TCF4: variants seen among roughly 807,000 people sequenced by gnomAD.
TCF4 encodes the protein SL3-3 enhancer factor 2.
Under a neutral mutation model 82.1 loss-of-function variants are expected in TCF4, and 3 were observed. The ratio of observed to expected loss-of-function variants is 0.04; its 90% CI spans 0.02 to 0.09. The LOEUF (loss-of-function observed/expected upper bound fraction) is 0.09, where lower values mean the gene tolerates loss of function less well. Among genes scored for constraint, TCF4 ranks in the 10% least tolerant of loss-of-function variants. The probability of loss-of-function intolerance (pLI) is 1.00; values close to 1 mark genes in which losing one functional copy is unlikely to be tolerated. For synonymous variants in TCF4, 276 were observed against 309.6 expected, an observed-to-expected ratio of 0.89 and a Z score of 1.14; for missense variants, 518 against 852.7, an observed-to-expected ratio of 0.61 and a Z score of 4.89.
At chr18:55,408,364 T>C (rs1015856146) in intron 5 of TCF4, among the ~76,000 whole-genome samples, 2 of 152,146 alleles carry the variant, frequency 1.3e-5, no homozygotes, top group Admixed American at 6.5e-5. Context: ...AGGGAACTCA[T>C]CATAAACATG....
intron 3 of TCF4, among the ~76,000 whole-genome samples, chr18:55,523,304 G>C (rs1011507469): frequency 6.6e-6 from 1 of 151,514 alleles, no homozygotes. Flanking sequence ...ACTGACCCAA[G>C]AAAACAAAGG....
At chr18:55,400,135 A>G (rs1289702691) in intron 6 of TCF4, among the ~76,000 whole-genome samples, 1 of 152,128 alleles carries the variant, frequency 6.6e-6, no homozygotes, top group East Asian at 1.9e-4. Context: ...AGCAGCAAAA[A>G]GAAACCAAAA....
At chr18:55,621,520 A>ATAATGTACATTATAT (rs369426865) in intron 2 of TCF4, among the ~76,000 whole-genome samples, 2 of 4,542 alleles carry the variant, frequency 4.4e-4, no homozygotes, top group Admixed American at 5.4e-3. Flanking sequence ...TATATTATAT[A>ATAATGTACATTATAT]ATATTATATA....
chr18:55,323,291 T>C (rs937657491), intron 8 of TCF4, among the ~76,000 whole-genome samples: 2 of 152,168 alleles, frequency 1.3e-5, no homozygotes, highest in African/African-American at 4.8e-5. Context: ...CACCCGAGCA[T>C]ACATCTATTC....
At chr18:55,546,398 GAATTA>G (rs1404239080) in intron 3 of TCF4, among the ~76,000 whole-genome samples, 16 of 152,046 alleles carry the variant, frequency 1.1e-4, no homozygotes, top group African/African-American at 3.6e-4. Context: ...GAATAATTAT[GAATTA>G]AATATTTAAA....
intron 6 of TCF4, among the ~76,000 whole-genome samples, chr18:55,395,917 T>A (rs1051932264): frequency 6.6e-6 from 1 of 152,136 alleles, no homozygotes; most frequent in African/African-American, 2.4e-5. Context: ...AATAGATTAT[T>A]CATATAATCT....
At chr18:55,300,174 T>C (rs550853012) in intron 8 of TCF4, among the ~76,000 whole-genome samples, 157 of 152,256 alleles carry the variant, frequency 1.0e-3, no homozygotes, top group Non-Finnish European at 1.9e-3. Context: ...TTTCGATGTT[T>C]AACAATCTGA....
At chr18:55,430,946 C>CAA (rs1229753891) in intron 5 of TCF4, among the ~76,000 whole-genome samples, 1 of 152,036 alleles carries the variant, frequency 6.6e-6, no homozygotes, top group Non-Finnish European at 1.5e-5. Flanking sequence ...CTTTGATAAT[C>CAA]ACTGCCAGAG....
chr18:55,558,537 C>T (rs2097325406), intron 3 of TCF4, among the ~76,000 whole-genome samples: 1 of 151,986 alleles, frequency 6.6e-6, no homozygotes, highest in South Asian at 2.1e-4. Context: ...TTACTTATGC[C>T]CATACAAAAT....
chr18:55,315,849 T>G (rs1305317089), intron 8 of TCF4, among the ~76,000 whole-genome samples: 1 of 152,142 alleles, frequency 6.6e-6, no homozygotes, highest in Non-Finnish European at 1.5e-5. Flanking sequence ...TGATCTCTTT[T>G]TCCTGGTATA....
At chr18:55,577,114 A>G (rs553848187) in intron 3 of TCF4, among the ~76,000 whole-genome samples, 1 of 137,740 alleles carries the variant, frequency 7.3e-6, no homozygotes, top group Non-Finnish European at 1.6e-5. Context: ...ATATATGTAT[A>G]TATACATTTA....
At chr18:55,555,470 A>C (rs145610042) in intron 3 of TCF4, among the ~76,000 whole-genome samples, 1 of 152,324 alleles carries the variant, frequency 6.6e-6, no homozygotes. Flanking sequence ...TTTCAGAAAT[A>C]CGACTTTTAG....
intron 3 of TCF4, among the ~76,000 whole-genome samples, chr18:55,574,607 G>A (rs542412349): frequency 1.2e-4 from 18 of 152,278 alleles, no homozygotes; most frequent in African/African-American, 4.1e-4. Context: ...CCAAAGTGCC[G>A]GGATTATAGG....
chr18:55,329,375 G>T (rs1368565359), intron 8 of TCF4, among the ~76,000 whole-genome samples: 2 of 152,090 alleles, frequency 1.3e-5, no homozygotes, highest in Non-Finnish European at 2.9e-5. Flanking sequence ...GACACGACCA[G>T]GAAGGAACAG....
At position 55,586,066 on chromosome 18, in the gene TCF4, C is replaced by CCA. The variant is rs1238065665; in HGVS notation, c.73-715_73-714insTG. ...CTGCAAAGCTGCCTGCCTAGGGCTA[C>CCA]GTTTCCTGGCAAAACTTCCGAAAGC... On this transcript the variant is annotated intron_variant, in intron 2 of 19. Transcript: ENST00000354452. 38 of 1,419,260 alleles carry CCA rather than the reference C, an allele frequency of 2.7e-5. 6 individuals carry two copies. The East Asian group carries it at 1.1e-3, about 41-fold the overall frequency. The allele number at this position is 1,419,260 out of a possible 1,614,324, so 87.9% of individuals were successfully genotyped here. A position where few individuals can be genotyped will look rare whatever the true frequency, so the allele number is the denominator to read the frequency against.
In TCF4 at chr18:55,461,129, G is replaced by A. The variant is rs2095861010; in HGVS notation, c.208-14C>T. 3 of 1,592,626 alleles carry A rather than the reference G, an allele frequency of 1.9e-6. No homozygotes were observed. In the South Asian group the frequency reaches 3.3e-5, roughly 18 times the overall value. ...ATCTCCATAGTTCTGTAAATAAAAT[G>A]ACAGTGTAAGTTATTATTTTATATT... On this transcript the variant is annotated splice_polypyrimidine_tract_variant and intron_variant, in intron 4 of 19. Coordinates refer to ENST00000354452, the MANE Select transcript of TCF4 (RefSeq NM_001083962.2).
At chr18:55,604,497 G>C (rs933924562) in intron 2 of TCF4, among the ~76,000 whole-genome samples, 1 of 152,144 alleles carries the variant, frequency 6.6e-6, no homozygotes, top group African/African-American at 2.4e-5. Flanking sequence ...ACTGGCTCTG[G>C]TTCAGCTTTT....
intron 11 of TCF4, 75 bp from the exon 12 acceptor site, chr18:55,261,608 C>T: frequency 6.6e-7 from 1 of 1,519,662 alleles, no homozygotes; most frequent in Non-Finnish European, 9.1e-7. Flanking sequence ...GGTCCATTTA[C>T]TCACAATTTA....
chr18:55,479,383 A>C (rs538648517), intron 3 of TCF4: 1 of 154,418 alleles, frequency 6.5e-6, no homozygotes, highest in Admixed American at 6.5e-5. Context: ...ACTAGTGGTC[A>C]CCAAACTTGC....
Sources: allele counts gnomAD v4.1 joint callset (sites outside exome capture counted in the v4.1 genomes callset), GRCh38; gene constraint gnomAD v4.1.1; transcripts MANE v1.5; gene names NCBI Gene and HGNC (gene_info 2026-07-23, HGNC 2026-07-21).